RUVBL1: variants seen among roughly 807,000 people sequenced by gnomAD.
RUVBL1 encodes the protein RuvB like AAA ATPase 1, also known as ruvB-like 1.
A neutral mutation model predicts 52.4 loss-of-function variants in RUVBL1; 4 were observed. The ratio of observed to expected loss-of-function variants is 0.08; its 90% CI spans 0.04 to 0.17. The LOEUF is 0.17. RUVBL1 is among the 10% of genes least tolerant of loss of function. RUVBL1 has a pLI of 1.00. For missense variants in RUVBL1, 298 were observed against 572.8 expected (o/e 0.52, Z 4.90); for synonymous variants, 217 against 214.4 (o/e 1.01, Z -0.10).
chr3:128,068,394 G>A lies in RUVBL1; in HGVS notation c.940-3174C>T, dbSNP rs188428074. Among the ~76,000 whole-genome samples, 343 of 152,290 alleles carry A rather than the reference G, an allele frequency of 2.3e-3. 3 individuals are homozygous for A. The highest frequency in any genetic ancestry group is 7.8e-3 in the African/African-American group (325 of 41,562). On this transcript the variant is annotated intron_variant, in intron 9 of 9. Coordinates refer to the RUVBL1 transcript ENST00000464873. ...CCCTCACCCTGGCTCATGCCGGTGG[G>A]GTGCTGAAGAGAGCGCCCTGGAGGA...
chr3:128,112,325 G>C (rs1428842806), intron 3 of RUVBL1, among the ~76,000 whole-genome samples: 1 of 152,226 alleles, frequency 6.6e-6, no homozygotes, highest in African/African-American at 2.4e-5. Flanking sequence ...TTCTTCAAAT[G>C]CGAAATGTAG....
At chr3:128,074,912 T>C (rs1352981921) in intron 9 of RUVBL1, among the ~76,000 whole-genome samples, 1 of 148,786 alleles carries the variant, frequency 6.7e-6, no homozygotes, top group African/African-American at 2.5e-5. Context: ...ATTATACACA[T>C]GCTTAACTAT....
upstream of RUVBL1, among the ~76,000 whole-genome samples, chr3:128,126,063 G>T (rs1576481414): frequency 6.6e-6 from 1 of 152,198 alleles, no homozygotes; most frequent in African/African-American, 2.4e-5. Context: ...ATATCCCCTG[G>T]ATTACTTGGT....
rs1943432660 is a variant in RUVBL1 at position 128,113,138 on chromosome 3, G to A, written c.229-118C>T. The A allele has an allele frequency of 6.0e-6, 7 of 1,164,256 alleles. No individual in the cohort carries two copies. The South Asian group carries it at 9.5e-5, about 16-fold the overall frequency. The allele number at this position is 1,164,256 out of a possible 1,614,324, so 72.1% of individuals were successfully genotyped here. A position where few individuals can be genotyped will look rare whatever the true frequency, so the allele number is the denominator to read the frequency against. ...GCTGAACATCTAGTCCTACCATTTA[G>A]CATGTTTCACACAATAAATGTTTGA... On this transcript the variant is annotated intron_variant, in intron 2 of 10. Coordinates refer to ENST00000322623, the MANE Select transcript of RUVBL1 (RefSeq NM_003707.3).
Position 128,082,458 on chromosome 3 carries a change from C to A in RUVBL1, c.1211+25G>T. 2 of 1,593,306 alleles carry A rather than the reference C, an allele frequency of 1.3e-6. No homozygotes were observed. The highest frequency in any genetic ancestry group is 2.2e-5 in the South Asian group (2 of 90,662). ...GGCCCTGGCTGTGCTGGGGAGGCCC[C>A]GGCGGGCCCAGGGTACCAGCTCACC... is the stretch of plus-strand genomic sequence containing the variant. On this transcript the variant is annotated intron_variant, in intron 10 of 10. Transcript: ENST00000322623. This position sits in a 1 kb window ranked among gnomAD's most constrained non-coding sequence, Gnocchi z 4.7.
At chr3:128,079,264 T>G (rs767878890), downstream of RUVBL1, among the ~76,000 whole-genome samples, 3 of 152,214 alleles carry the variant, frequency 2.0e-5, no homozygotes, top group Admixed American at 6.5e-5. Flanking sequence ...AAAGGTCAGA[T>G]CTTGACAGCT....
At chr3:128,065,819 G>A (rs1449222636) in intron 9 of RUVBL1, among the ~76,000 whole-genome samples, 1 of 134,616 alleles carries the variant, frequency 7.4e-6, no homozygotes, top group African/African-American at 2.8e-5. Context: ...TCGACTCACT[G>A]CAACCTCCGC....
chr3:128,153,838 G>C (rs1944309078), exon 1 of RUVBL1: 10 of 1,497,736 alleles, frequency 6.7e-6, no homozygotes, highest in Non-Finnish European at 7.1e-6. Context: ...GCGCGGGCCG[G>C]GGCGGGAGCC....
chr3:128,101,734 G>A, intron 4 of RUVBL1, 86 bp from the exon 5 acceptor site: 1 of 1,365,804 alleles, frequency 7.3e-7, no homozygotes, highest in Non-Finnish European at 1.0e-6. Flanking sequence ...TAAGGGATCT[G>A]AGGTAGCTAG....
chr3:128,074,701 G>T (rs1241143352), intron 9 of RUVBL1, among the ~76,000 whole-genome samples: 1 of 151,966 alleles, frequency 6.6e-6, no homozygotes, highest in Non-Finnish European at 1.5e-5. Flanking sequence ...AATTAGCTGG[G>T]TGTGGTGGCA....
chr3:128,139,290 T>C (rs1205573234), intron 1 of RUVBL1, among the ~76,000 whole-genome samples: 1 of 152,120 alleles, frequency 6.6e-6, no homozygotes, highest in East Asian at 1.9e-4. Flanking sequence ...TTGCAAACTA[T>C]TTACCTGACA....
intron 1 of RUVBL1, among the ~76,000 whole-genome samples, chr3:128,142,658 T>A (rs1252747803): frequency 6.6e-6 from 1 of 152,168 alleles, no homozygotes; most frequent in Admixed American, 6.5e-5. Flanking sequence ...AGAATCCATT[T>A]TCTCGCCTTC....
rs1382058854 is a variant in RUVBL1, at chr3:128,150,640, TAC to T, written c.-40+2561_-40+2562del. Among the ~76,000 whole-genome samples the T allele has an allele frequency of 1.4e-4, 15 of 110,130 alleles. 1 individual carries two copies. The highest frequency in any genetic ancestry group is 3.1e-4 in the South Asian group (1 of 3,238). The allele number at this position is 110,130 out of a possible 152,430, so 72.2% of individuals were successfully genotyped here. A position where few individuals can be genotyped will look rare whatever the true frequency, so the allele number is the denominator to read the frequency against. On this transcript the variant is annotated intron_variant, in intron 1 of 9. Transcript: ENST00000464873. ...ATATATATTCTATGTATATATTCTA[TAC>T]ATATATTCTATACATATTCTATACA...
Position 128,100,750 on chromosome 3 carries a change from A to G in RUVBL1, c.604-6T>C, listed in dbSNP as rs879204811. 3.7e-6 allele frequency: 6 copies of G among 1,613,700 alleles called. No homozygotes were observed. The highest frequency in any genetic ancestry group is 5.1e-6 in the Non-Finnish European group (6 of 1,179,888). On this transcript the variant is annotated splice_region_variant and splice_polypyrimidine_tract_variant and intron_variant, in intron 5 of 10. Coordinates refer to ENST00000322623, the MANE Select transcript of RUVBL1 (RefSeq NM_003707.3). ...GTATCACACCTGCCCTGCCTCTGCA[A>G]AAAGAGAGAAACATGAGTGCCTGGT...
upstream of RUVBL1, among the ~76,000 whole-genome samples, chr3:128,125,005 CTTTTTT>C (rs749620135): frequency 1.3e-4 from 8 of 61,352 alleles, no homozygotes; most frequent in East Asian, 3.1e-3. Flanking sequence ...CTCACACCGC[CTTTTTT>C]TTTTTTTTTT....
chr3:128,077,122 C>T (rs1251477674), downstream of RUVBL1, among the ~76,000 whole-genome samples: 1 of 151,904 alleles, frequency 6.6e-6, no homozygotes, highest in Non-Finnish European at 1.5e-5. Context: ...GCCTGACAGC[C>T]GCATCCGTCG....
At chr3:128,110,045 G>A (rs1943345694) in intron 3 of RUVBL1, among the ~76,000 whole-genome samples, 1 of 152,042 alleles carries the variant, frequency 6.6e-6, no homozygotes, top group Non-Finnish European at 1.5e-5. Flanking sequence ...TCGAACTCCT[G>A]ACCTCAGGTG....
chr3:128,131,547 T>C (rs576811089), intron 1 of RUVBL1, among the ~76,000 whole-genome samples: 1 of 151,450 alleles, frequency 6.6e-6, no homozygotes, highest in South Asian at 2.1e-4. Flanking sequence ...AAAAAACAGA[T>C]CAAGATCCTG....
At chr3:128,112,202 T>G (rs1039976790) in intron 3 of RUVBL1, among the ~76,000 whole-genome samples, 5 of 152,230 alleles carry the variant, frequency 3.3e-5, no homozygotes, top group African/African-American at 1.2e-4. Context: ...CATTTTCTTC[T>G]CACAGCCAAT....
Sources: gnomAD v4.1 joint callset for allele counts (sites outside exome capture counted in the v4.1 genomes callset) on GRCh38, gnomAD v4.1.1 for gene constraint, Gnocchi (gnomAD v3.1) non-coding constraint, MANE v1.5 for transcripts, NCBI Gene and HGNC (gene_info 2026-07-23, HGNC 2026-07-21) for gene names.